PIK3C2A: variants seen among roughly 807,000 people sequenced by gnomAD.
PIK3C2A encodes the protein phosphatidylinositol 4-phosphate 3-kinase C2 domain-containing subunit alpha.
Under a neutral mutation model 204.5 loss-of-function variants are expected in PIK3C2A, and 97 were observed. The ratio of observed to expected loss-of-function variants is 0.47; its 90% CI spans 0.40 to 0.56. PIK3C2A has a LOEUF of 0.56. PIK3C2A is among the 20% of genes least tolerant of loss of function. The pLI, the probability that PIK3C2A is intolerant of heterozygous loss-of-function variation, is 0.00. For missense variants in PIK3C2A, 1,735 were observed against 1,969.2 expected (o/e 0.88, Z 2.25); for synonymous variants, 653 against 664.4 (o/e 0.98, Z 0.26).
chr11:17,107,784 C>T (rs908502513), intron 22 of PIK3C2A, among the ~76,000 whole-genome samples: 26 of 152,224 alleles, frequency 1.7e-4, no homozygotes, highest in Admixed American at 1.6e-3. Flanking sequence ...CCAAGGCTGC[C>T]AGGGTACCCC....
chr11:17,198,806 C>CAAA (rs1165591796), intron 1 of PIK3C2A, among the ~76,000 whole-genome samples: 1,037 of 98,992 alleles, frequency 0.01, 20 homozygotes, highest in African/African-American at 0.039. Flanking sequence ...TCATAAAAAA[C>CAAA]AAAACAAAAC....
At position 17,110,574 on chromosome 11, in the gene PIK3C2A, G is replaced by A. The variant is rs759785686; in HGVS notation, c.3415-13C>T. 1.6e-5 allele frequency: 26 copies of A among 1,598,148 alleles called. No individual in the cohort carries two copies. In the South Asian group the frequency reaches 2.2e-4, roughly 14 times the overall value. The stretch of plus-strand genomic sequence containing the variant: ...GATCTTCACCAACCTTGAAATCAAG[G>A]AAACAAAATGAAACTTGTACATCTC... On this transcript the variant is annotated splice_polypyrimidine_tract_variant and intron_variant, in intron 21 of 32. Transcript: ENST00000691414.
intron 12 of PIK3C2A, among the ~76,000 whole-genome samples, chr11:17,130,867 T>C (rs1849670821): frequency 6.7e-6 from 1 of 149,164 alleles, no homozygotes; most frequent in African/African-American, 2.5e-5. Context: ...TAGTACAAAA[T>C]ATCATCTTGT....
intron 1 of PIK3C2A, among the ~76,000 whole-genome samples, chr11:17,199,890 C>G (rs1270295704): frequency 1.4e-5 from 2 of 139,024 alleles, no homozygotes; most frequent in Non-Finnish European, 3.0e-5. Context: ...CCACTACATT[C>G]CAGCCTCCAT....
At chr11:17,195,675 G>A (rs866261735) in intron 1 of PIK3C2A, among the ~76,000 whole-genome samples, 8 of 151,278 alleles carry the variant, frequency 5.3e-5, no homozygotes, top group Non-Finnish European at 8.9e-5. Context: ...CCCAGGAGGC[G>A]GAGGTTGCAG....
chr11:17,149,746 CT>C (rs1249727088), intron 4 of PIK3C2A, among the ~76,000 whole-genome samples: 5 of 152,108 alleles, frequency 3.3e-5, no homozygotes, highest in African/African-American at 1.2e-4. Context: ...AAACACAAAA[CT>C]TTTCCTTTAA....
At chr11:17,092,722 C>T (rs760883900) in intron 28 of PIK3C2A, among the ~76,000 whole-genome samples, 14 of 152,116 alleles carry the variant, frequency 9.2e-5, no homozygotes, top group African/African-American at 1.7e-4. Context: ...GAGATGACAT[C>T]GTTCAGTCAC....
intron 6 of PIK3C2A, among the ~76,000 whole-genome samples, 187 bp from the exon 7 acceptor site, chr11:17,146,129 G>GA (rs1368942242): frequency 2.6e-5 from 4 of 151,764 alleles, no homozygotes; most frequent in Non-Finnish European, 4.4e-5. Context: ...TCAACATCCT[G>GA]AAAAAAAACT....
At chr11:17,140,910 T>A (rs1850042758) in intron 8 of PIK3C2A, among the ~76,000 whole-genome samples, 1 of 152,180 alleles carries the variant, frequency 6.6e-6, no homozygotes, top group Admixed American at 6.6e-5. Context: ...CTGGTGATAT[T>A]TGGGCACTGA....
At chr11:17,107,214 A>G (rs530136584) in intron 22 of PIK3C2A, among the ~76,000 whole-genome samples, 1 of 152,062 alleles carries the variant, frequency 6.6e-6, no homozygotes, top group Admixed American at 6.6e-5. Flanking sequence ...TCGGGAGGCT[A>G]AGGCAGGAGA....
intron 1 of PIK3C2A, among the ~76,000 whole-genome samples, chr11:17,179,752 A>G (rs913854390): frequency 7.2e-5 from 11 of 151,894 alleles, no homozygotes; most frequent in Admixed American, 7.2e-4. Flanking sequence ...CGAGTAGCTG[A>G]GATTACCAGT....
chr11:17,193,265 T>G (rs1176983535), intron 1 of PIK3C2A, among the ~76,000 whole-genome samples: 1 of 152,190 alleles, frequency 6.6e-6, no homozygotes, highest in African/African-American at 2.4e-5. Context: ...ACTAAGACAT[T>G]CTTCCAATAA....
intron 8 of PIK3C2A, among the ~76,000 whole-genome samples, chr11:17,139,212 C>T (rs1454538507): frequency 6.6e-6 from 1 of 150,754 alleles, no homozygotes; most frequent in African/African-American, 2.4e-5. Flanking sequence ...CACGCCCGGC[C>T]TAATGATTCT....
intron 27 of PIK3C2A, among the ~76,000 whole-genome samples, chr11:17,095,188 C>CAGTGAGCCA (rs548421942): frequency 1.3e-5 from 2 of 152,040 alleles, no homozygotes; most frequent in African/African-American, 4.8e-5. Context: ...GTCAAGGCTA[C>CAGTGAGCCA]AGTGAGCCAA....
chr11:17,160,236 A>C (rs1258319172), intron 2 of PIK3C2A, among the ~76,000 whole-genome samples: 3 of 152,208 alleles, frequency 2.0e-5, no homozygotes, highest in Non-Finnish European at 2.9e-5. Context: ...AGCACTGGCC[A>C]AGGGAAAACA....
chr11:17,122,593 A>C (rs537253014), intron 14 of PIK3C2A, 109 bp downstream of exon 14: 2 of 666,528 alleles, frequency 3.0e-6, no homozygotes, highest in Non-Finnish European at 5.3e-6. Flanking sequence ...CCTGAGACTA[A>C]AACAAGATCA....
At chr11:17,194,909 C>T (rs956593218) in intron 1 of PIK3C2A, among the ~76,000 whole-genome samples, 13 of 88,640 alleles carry the variant, frequency 1.5e-4, no homozygotes, top group Non-Finnish European at 2.4e-4. Context: ...AACTCCATCT[C>T]GAAGAAAAAA....
chr11:17,101,537 C>T, intron 24 of PIK3C2A, 103 bp from the exon 25 acceptor site: 1 of 494,978 alleles, frequency 2.0e-6, no homozygotes, highest in Non-Finnish European at 3.4e-6. Flanking sequence ...CAGCCATTTC[C>T]AACTAGGAAA....
intron 9 of PIK3C2A, among the ~76,000 whole-genome samples, chr11:17,135,740 C>T (rs1437880637): frequency 6.7e-6 from 1 of 150,146 alleles, no homozygotes; most frequent in Non-Finnish European, 1.5e-5. Context: ...AAAAGAAGCA[C>T]ATAAAAAAGT....
Sources: allele counts gnomAD v4.1 joint callset (sites outside exome capture counted in the v4.1 genomes callset), GRCh38; gene constraint gnomAD v4.1.1; transcripts MANE v1.5; gene names NCBI Gene and HGNC (gene_info 2026-07-23, HGNC 2026-07-21).